WNK1: variants seen among roughly 807,000 people sequenced by gnomAD.
WNK1 encodes the protein serine/threonine-protein kinase WNK1.
WNK1 carries 38 observed loss-of-function variants against 222.8 expected under a neutral mutation model. That is an observed-to-expected ratio of 0.17 (90% CI 0.13 to 0.22). The LOEUF (loss-of-function observed/expected upper bound fraction) is 0.22, where lower values mean the gene tolerates loss of function less well. WNK1 is among the 10% of genes least tolerant of loss of function. The pLI, the probability that WNK1 is intolerant of heterozygous loss-of-function variation, is 1.00. For missense variants in WNK1, 2,348 were observed against 2,918.4 expected, an observed-to-expected ratio of 0.80 and a Z score of 4.50; for synonymous variants, 1,090 against 1,092.9, an observed-to-expected ratio of 1.00 and a Z score of 0.05.
chr12:897,065 T>A (rs1310014292), intron 24 of WNK1, among the ~76,000 whole-genome samples: 1 of 152,122 alleles, frequency 6.6e-6, no homozygotes, highest in Non-Finnish European at 1.5e-5. Context: ...TACTGTATTG[T>A]ATTATTATTT....
intron 1 of WNK1, among the ~76,000 whole-genome samples, chr12:766,953 T>A (rs1565397997): frequency 6.6e-6 from 1 of 152,122 alleles, no homozygotes; most frequent in Non-Finnish European, 1.5e-5. Context: ...ATTTTTGTGT[T>A]TTTAGTAGAG....
chr12:791,291 C>G (rs1044527958), intron 1 of WNK1, among the ~76,000 whole-genome samples: 5 of 151,080 alleles, frequency 3.3e-5, no homozygotes. Context: ...TAAAGGACTT[C>G]CTTATAACTA....
chr12:768,913 G>T (rs566377154), intron 1 of WNK1, among the ~76,000 whole-genome samples: 9 of 151,856 alleles, frequency 5.9e-5, no homozygotes, highest in African/African-American at 2.2e-4. Context: ...AGGTTCAAGC[G>T]ATTCTTCTGC....
intron 1 of WNK1, among the ~76,000 whole-genome samples, chr12:786,703 G>A (rs1164275246): frequency 6.6e-6 from 1 of 152,106 alleles, no homozygotes; most frequent in African/African-American, 2.4e-5. Flanking sequence ...CTTACCTCAG[G>A]TGATCCACCC....
intron 1 of WNK1, among the ~76,000 whole-genome samples, chr12:796,679 C>T (rs1945342121): frequency 6.6e-6 from 1 of 152,084 alleles, no homozygotes; most frequent in South Asian, 2.1e-4. Context: ...ACCATTTTTC[C>T]TGCCCCTAAA....
intron 26 of WNK1, among the ~76,000 whole-genome samples, chr12:902,927 C>T (rs1955391729): frequency 6.6e-6 from 1 of 152,170 alleles, no homozygotes; most frequent in African/African-American, 2.4e-5. Context: ...TCTGTTAAGG[C>T]CTCAAACTTC....
intron 1 of WNK1, among the ~76,000 whole-genome samples, chr12:764,560 G>A (rs1327441770): frequency 1.4e-5 from 2 of 140,904 alleles, no homozygotes; most frequent in Non-Finnish European, 3.2e-5. Flanking sequence ...CGCTTGAACC[G>A]GGGAGGTGGA....
chr12:884,472 T>C lies in WNK1; in HGVS notation c.3845-177T>C, dbSNP rs745447839. Among the ~76,000 whole-genome samples the C allele has an allele frequency of 1.3e-5, 2 of 152,332 alleles. No individual in the cohort carries two copies. Among genetic ancestry groups the C allele is most frequent in the South Asian group, 2.1e-4 (1 of 4,828 alleles). ...CCATACCAAGATATAGTCTGTATAA[T>C]AGATATTGTAGTATGTGTTTATTTC... On this transcript the variant is annotated intron_variant, in intron 18 of 27. Coordinates refer to ENST00000315939, the MANE Select transcript of WNK1 (RefSeq NM_018979.4). The surrounding 1 kb of genome is among the most constrained non-coding windows in gnomAD (Gnocchi z 5.6).
chr12:769,705 T>A (rs1308369894), intron 1 of WNK1, among the ~76,000 whole-genome samples: 1 of 152,170 alleles, frequency 6.6e-6, no homozygotes, highest in African/African-American at 2.4e-5. Context: ...TGGGCCTGTT[T>A]TCGGTGAAGA....
intron 14 of WNK1, among the ~76,000 whole-genome samples, 186 bp downstream of exon 14, chr12:882,259 T>G (rs1234543133): frequency 5.3e-5 from 8 of 152,116 alleles, no homozygotes; most frequent in Admixed American, 5.2e-4. Flanking sequence ...TGCAGTGGCA[T>G]GATCTCTTCT....
intron 4 of WNK1, among the ~76,000 whole-genome samples, chr12:831,187 T>C (rs1331122361): frequency 6.6e-6 from 1 of 152,218 alleles, no homozygotes; most frequent in African/African-American, 2.4e-5. Flanking sequence ...TTCCAGAGGC[T>C]ATATGATACT....
intron 20 of WNK1, 37 bp downstream of exon 20, chr12:887,341 A>G (rs1953763614): frequency 6.2e-7 from 1 of 1,603,924 alleles, no homozygotes; most frequent in Admixed American, 1.7e-5. Context: ...CCTGTGCCCT[A>G]CTTTCTTTGA....
At chr12:778,522 G>T (rs1333379289) in intron 1 of WNK1, among the ~76,000 whole-genome samples, 1 of 151,856 alleles carries the variant, frequency 6.6e-6, no homozygotes, top group Non-Finnish European at 1.5e-5. Flanking sequence ...GTAGAGACAG[G>T]CTTTCACCAT....
intron 26 of WNK1, chr12:907,593 C>T (rs1955816368): frequency 2.2e-5 from 12 of 541,440 alleles, no homozygotes; most frequent in South Asian, 1.4e-4. Context: ...GAAAGAGGCC[C>T]CTGCCTGTGT....
intron 14 of WNK1, 105 bp downstream of exon 14, chr12:882,178 TAACTATCTGTGTGTGAC>T: frequency 7.7e-7 from 1 of 1,301,042 alleles, no homozygotes. Flanking sequence ...AAAATAAAGA[TAACTATCTGTGTGTGAC>T]AGATAATTTT....
rs1270951405 is a variant in WNK1, at chr12:754,036, C to T, written c.471C>T (p.Pro157=). The change falls in exon 1 of 28, where the codon CCC becomes CCT. Residue 157 remains proline, a synonymous_variant. Transcript: ENST00000315939. ...CGGGCCCTGCCCCCTCGACTGTCCC[C>T]AGCAGTACCAGCAAAGACCGCCCAG... is the stretch of plus-strand genomic sequence containing the variant. ...AVAGPAPSTV[P]SSTSKDRPVS... The T allele has an allele frequency of 6.3e-7, 1 of 1,592,844 alleles. No individual in the cohort carries two copies. The highest frequency in any genetic ancestry group is 8.5e-7 in the Non-Finnish European group (1 of 1,170,152).
chr12:810,516 C>T (rs1426461854), intron 1 of WNK1, among the ~76,000 whole-genome samples: 1 of 152,138 alleles, frequency 6.6e-6, no homozygotes, highest in Non-Finnish European at 1.5e-5. Flanking sequence ...CAGTTGTTAG[C>T]TGTAAAGTAA....
chr12:786,706 A>G (rs1944342647), intron 1 of WNK1, among the ~76,000 whole-genome samples: 2 of 152,102 alleles, frequency 1.3e-5, no homozygotes, highest in Non-Finnish European at 2.9e-5. Context: ...ACCTCAGGTG[A>G]TCCACCCACC....
chr12:897,202 C>T (rs1308222105), intron 24 of WNK1, among the ~76,000 whole-genome samples: 2 of 152,060 alleles, frequency 1.3e-5, no homozygotes, highest in East Asian at 3.8e-4. Flanking sequence ...GTAGCAAATT[C>T]AGCTATTGTG....
Sources: allele counts gnomAD v4.1 joint callset (sites outside exome capture counted in the v4.1 genomes callset), GRCh38; gene constraint gnomAD v4.1.1; non-coding constraint Gnocchi (gnomAD v3.1); transcripts MANE v1.5; gene names NCBI Gene and HGNC (gene_info 2026-07-23, HGNC 2026-07-21).